The following KDM3B variants were observed in gnomAD, a reference collection of about 807,000 sequenced individuals.
KDM3B encodes the protein lysine-specific demethylase 3B.
Under a neutral mutation model 170.0 loss-of-function variants are expected in KDM3B, and 10 were observed. The ratio of observed to expected loss-of-function variants is 0.06; its 90% CI spans 0.04 to 0.10. The LOEUF is 0.10. Ranked by LOEUF, KDM3B falls within the 10% of genes least tolerant of loss-of-function variation. KDM3B has a pLI of 1.00. For missense variants in KDM3B, 1,394 were observed against 2,195.2 expected, an observed-to-expected ratio of 0.64 and a Z score of 7.29; for synonymous variants, 831 against 834.8, an observed-to-expected ratio of 1.00 and a Z score of 0.08.
chr5:138,381,812 T>C (rs1762132617), intron 6 of KDM3B: 2 of 477,410 alleles, frequency 4.2e-6, no homozygotes, highest in South Asian at 8.4e-5. Context: ...CTATGTTCCC[T>C]AGTTCTTCTA....
intron 9 of KDM3B, among the ~76,000 whole-genome samples, chr5:138,394,337 G>A (rs1762501112): frequency 6.6e-6 from 1 of 152,144 alleles, no homozygotes. Context: ...TCGTACCACT[G>A]CACTCCAGCC....
intron 3 of KDM3B, 29 bp downstream of exon 3, chr5:138,375,235 CTATTA>C (rs1248844240): frequency 6.9e-7 from 1 of 1,458,186 alleles, no homozygotes; most frequent in African/African-American, 1.4e-5. Context: ...AGTCTTGAGC[CTATTA>C]TTTTTTTCGC....
intron 17 of KDM3B, 84 bp downstream of exon 17, chr5:138,425,666 T>C: frequency 1.6e-6 from 2 of 1,223,374 alleles, no homozygotes; most frequent in Non-Finnish European, 2.3e-6. Context: ...GAATAATAAA[T>C]TATATTCTGG....
At chr5:138,364,845 C>T (rs1336167419) in intron 1 of KDM3B, among the ~76,000 whole-genome samples, 2 of 152,298 alleles carry the variant, frequency 1.3e-5, no homozygotes, top group South Asian at 2.1e-4. Flanking sequence ...CATTCTGCAA[C>T]CCCTGAAAGC....
chr5:138,398,849 C>T (rs1762608266), intron 10 of KDM3B, among the ~76,000 whole-genome samples: 1 of 149,920 alleles, frequency 6.7e-6, no homozygotes, highest in African/African-American at 2.5e-5. Context: ...ATTTTCCAGA[C>T]TAAGAAAAAT....
At chr5:138,366,250 A>G (rs1366462268) in intron 1 of KDM3B, among the ~76,000 whole-genome samples, 5 of 152,296 alleles carry the variant, frequency 3.3e-5, no homozygotes, top group Non-Finnish European at 2.9e-5. Context: ...ACCTAAGTAT[A>G]AAATGCTTTA....
In KDM3B at chr5:138,429,697, T is replaced by C; in HGVS notation, c.4754-129T>C. On this transcript the variant is annotated intron_variant, in intron 20 of 23. Coordinates refer to ENST00000314358, the MANE Select transcript of KDM3B (RefSeq NM_016604.4). ...GGAGCTTAGACCAGTATCAATTTTC[T>C]GATTCTGCCTTACATTATTCCAGAG... The C allele has an allele frequency of 4.0e-6, 4 of 994,944 alleles. No homozygotes were observed. In the South Asian group the frequency reaches 6.4e-5, roughly 16 times the overall value. The allele number at this position is 994,944 out of a possible 1,614,324, so 61.6% of individuals were successfully genotyped here.
chr5:138,393,086 A>G, intron 8 of KDM3B, 85 bp from the exon 9 acceptor site: 1 of 1,308,252 alleles, frequency 7.6e-7, no homozygotes, highest in Middle Eastern at 2.6e-4. Context: ...CCAGGTCAGA[A>G]CAAATGTCTG....
intron 6 of KDM3B, among the ~76,000 whole-genome samples, chr5:138,382,213 C>A (rs144037381): frequency 6.6e-6 from 1 of 151,908 alleles, no homozygotes; most frequent in Admixed American, 6.6e-5. Context: ...TTTGGGAGGC[C>A]GAGGCAGGCG....
intron 7 of KDM3B, 97 bp downstream of exon 7, chr5:138,386,718 G>A: frequency 6.9e-7 from 1 of 1,455,888 alleles, no homozygotes; most frequent in South Asian, 1.3e-5. Flanking sequence ...CCCAGGGAAG[G>A]AGTATTTCTG....
At chr5:138,356,864 G>A (rs770887355) in intron 1 of KDM3B, among the ~76,000 whole-genome samples, 16 of 151,896 alleles carry the variant, frequency 1.1e-4, no homozygotes, top group Non-Finnish European at 2.1e-4. Flanking sequence ...GGATGGTCTC[G>A]ATCTCCTGAC....
chr5:138,392,549 T>C (rs938518064), intron 8 of KDM3B, among the ~76,000 whole-genome samples: 2 of 152,254 alleles, frequency 1.3e-5, no homozygotes, highest in Non-Finnish European at 2.9e-5. Flanking sequence ...AACTATTTCT[T>C]TGCATTTGTC....
chr5:138,371,458 A>G (rs1761873557), intron 1 of KDM3B, among the ~76,000 whole-genome samples: 1 of 151,454 alleles, frequency 6.6e-6, no homozygotes. Flanking sequence ...CTGTCTCAAA[A>G]AAAAAAAAAA....
At position 138,382,292 on chromosome 5, in the gene KDM3B, C is replaced by A. The variant is rs376685196; in HGVS notation, c.780+702C>A. Among the ~76,000 whole-genome samples the A allele has an allele frequency of 4.6e-3, 664 of 143,926 alleles. 1 individual carries two copies. The highest frequency in any genetic ancestry group is 0.012 in the African/African-American group (465 of 39,502). 94.4% of individuals were successfully genotyped at this position (143,926 alleles called of 152,430 possible). ...GTGAAACGCTGTCTCTACAAAAATA[C>A]AAAAAAAAAAATAGCCAGGCCTGAT... is the stretch of plus-strand genomic sequence containing the variant. On this transcript the variant is annotated intron_variant, in intron 6 of 23. Transcript: ENST00000314358.
chr5:138,400,455 A>G (rs1050940843), intron 11 of KDM3B, among the ~76,000 whole-genome samples: 8 of 151,838 alleles, frequency 5.3e-5, no homozygotes, highest in Non-Finnish European at 1.2e-4. Flanking sequence ...CACCCCTTTT[A>G]ATGTGTACAA....
intron 8 of KDM3B, 115 bp from the exon 9 acceptor site, chr5:138,393,056 G>A (rs554154549): frequency 1.2e-6 from 1 of 867,244 alleles, no homozygotes; most frequent in Non-Finnish European, 1.9e-6. Context: ...ACATGCCCAA[G>A]CAGGGAAAGG....
At chr5:138,424,545 T>C (rs1469121891) in intron 16 of KDM3B, among the ~76,000 whole-genome samples, 1 of 152,128 alleles carries the variant, frequency 6.6e-6, no homozygotes, top group East Asian at 1.9e-4. Context: ...CTCAGCACTT[T>C]GGGAGGCCAA....
intron 6 of KDM3B, 36 bp downstream of exon 6, chr5:138,381,626 G>A (rs371626694): frequency 1.5e-4 from 202 of 1,309,202 alleles, no homozygotes; most frequent in Non-Finnish European, 1.9e-4. Context: ...GCAGACTCAT[G>A]AGCTTGCATT....
chr5:138,419,948 C>T (rs1254622656), intron 14 of KDM3B, among the ~76,000 whole-genome samples: 4 of 151,894 alleles, frequency 2.6e-5, no homozygotes, highest in South Asian at 2.1e-4. Flanking sequence ...TGCAGTGGCG[C>T]GATCTTGGCT....
Sources: gnomAD v4.1 joint callset for allele counts (sites outside exome capture counted in the v4.1 genomes callset) on GRCh38, gnomAD v4.1.1 for gene constraint, MANE v1.5 for transcripts, NCBI Gene and HGNC (gene_info 2026-07-23, HGNC 2026-07-21) for gene names.